Variants in PTK2 observed in about 807,000 individuals in gnomAD.
PTK2 encodes the protein protein tyrosine kinase 2, also known as focal adhesion kinase 1.
PTK2 carries 45 observed loss-of-function variants against 150.1 expected under a neutral mutation model. The observed-to-expected ratio is 0.30, with a 90% CI of 0.24 to 0.38. The LOEUF is 0.38. Among genes scored for constraint, PTK2 ranks in the 10% least tolerant of loss-of-function variants. The pLI is 1.00. For synonymous variants in PTK2, 432 were observed against 449.2 expected (o/e 0.96, Z 0.48); for missense variants, 919 against 1,307.3 (o/e 0.70, Z 4.58).
At chr8:140,869,025 A>AT (rs2100141013) in intron 4 of PTK2, among the ~76,000 whole-genome samples, 1 of 152,122 alleles carries the variant, frequency 6.6e-6, no homozygotes, top group South Asian at 2.1e-4. Flanking sequence ...TCTGTGTACT[A>AT]TTTTGCAACT....
At chr8:140,673,105 CTTT>C (rs540402579) in intron 29 of PTK2, among the ~76,000 whole-genome samples, 3 of 144,482 alleles carry the variant, frequency 2.1e-5, no homozygotes, top group Admixed American at 1.4e-4. Flanking sequence ...AAGATGCATC[CTTT>C]TTTTTTTTTT....
chr8:140,967,441 ATTTC>A (rs1208751183), intron 1 of PTK2, among the ~76,000 whole-genome samples: 22 of 147,906 alleles, frequency 1.5e-4, no homozygotes, highest in African/African-American at 5.0e-4. Flanking sequence ...CAAACCCAGT[ATTTC>A]TTTCTTTCTT....
chr8:140,883,721 C>T (rs1331678669), intron 3 of PTK2, among the ~76,000 whole-genome samples: 1 of 151,942 alleles, frequency 6.6e-6, no homozygotes, highest in East Asian at 1.9e-4. Context: ...ACTAGGAGTC[C>T]TTCTAAAAGT....
chr8:140,786,203 G>A (rs1595571623), intron 14 of PTK2, among the ~76,000 whole-genome samples: 4 of 152,148 alleles, frequency 2.6e-5, no homozygotes, highest in African/African-American at 9.7e-5. Context: ...ATGAAGTATC[G>A]TATGACAGAA....
intron 1 of PTK2, among the ~76,000 whole-genome samples, chr8:140,929,487 A>ATG (rs1224464857): frequency 6.6e-6 from 1 of 152,148 alleles, no homozygotes; most frequent in African/African-American, 2.4e-5. Context: ...AGGTGGCTTT[A>ATG]TGTGTGTGTG....
chr8:140,789,635 T>C (rs917986225), intron 13 of PTK2, 109 bp from the exon 14 acceptor site: 19 of 956,748 alleles, frequency 2.0e-5, no homozygotes, highest in Non-Finnish European at 2.5e-5. Context: ...AAATTTTAGA[T>C]ACGTGATTTC....
At chr8:140,978,347 T>C (rs2100190098) in intron 1 of PTK2, among the ~76,000 whole-genome samples, 1 of 152,326 alleles carries the variant, frequency 6.6e-6, no homozygotes, top group Non-Finnish European at 1.5e-5. Flanking sequence ...AGAAAATTTT[T>C]GCAATCTACT....
intron 23 of PTK2, among the ~76,000 whole-genome samples, chr8:140,711,419 TCTG>T (rs2100036813): frequency 6.6e-6 from 1 of 152,218 alleles, no homozygotes; most frequent in Admixed American, 6.5e-5. Context: ...CGCAGGACTT[TCTG>T]CTGTTTCTCT....
At chr8:140,671,730 G>A (rs1449660193) in intron 29 of PTK2, among the ~76,000 whole-genome samples, 4 of 146,520 alleles carry the variant, frequency 2.7e-5, no homozygotes, top group Non-Finnish European at 4.5e-5. Flanking sequence ...TGGCTAACAC[G>A]GTGAAACCCC....
chr8:140,907,556 TAAAACA>T lies in PTK2; in HGVS notation c.-32-16793_-32-16788del, dbSNP rs1401938922. The stretch of plus-strand genomic sequence containing the variant: ...ATAATTCATCCAACTGCCTTTTTTT[TAAAACA>T]AAAACAACAACAACAAAAAACAAAG... On this transcript the variant is annotated intron_variant, in intron 2 of 31. Coordinates refer to ENST00000522684, the Ensembl canonical transcript of PTK2. 9.2e-5 allele frequency among the ~76,000 whole-genome samples: 14 copies of T among 152,040 alleles called. No homozygotes were observed. The East Asian group carries it at 2.7e-3, about 29-fold the overall frequency.
chr8:140,764,468 T>C (rs190902060), intron 14 of PTK2, 178 bp from the exon 17 acceptor site: 19 of 597,288 alleles, frequency 3.2e-5, no homozygotes, highest in Non-Finnish European at 5.0e-5. Context: ...AAAAGTGACA[T>C]CATTGTCCAA....
At chr8:140,673,710 G>A (rs375463799) in intron 29 of PTK2, among the ~76,000 whole-genome samples, 8 of 152,218 alleles carry the variant, frequency 5.3e-5, no homozygotes, top group East Asian at 3.9e-4. Context: ...AGTCACAGGC[G>A]CCAACAGTTC....
intron 22 of PTK2, among the ~76,000 whole-genome samples, chr8:140,724,708 T>C (rs2100044790): frequency 6.6e-6 from 1 of 152,200 alleles, no homozygotes; most frequent in African/African-American, 2.4e-5. Context: ...GGAATACCAG[T>C]TTTGAAACAT....
chr8:140,779,032 G>GGCCGA (rs2100080105), intron 14 of PTK2, among the ~76,000 whole-genome samples: 1 of 151,884 alleles, frequency 6.6e-6, no homozygotes, highest in Non-Finnish European at 1.5e-5. Flanking sequence ...AGGCCAAGGA[G>GGCCGA]GGCAGATCAC....
At chr8:140,659,117 A>G in exon 32 of PTK2, 1 of 275,686 alleles carries the variant, frequency 3.6e-6, no homozygotes, top group South Asian at 9.2e-5. Context: ...TTTAGGAATT[A>G]AGATGTCACC....
exon 12 of PTK2, chr8:140,800,488 G>A (rs878949064): frequency 3.7e-6 from 6 of 1,613,598 alleles, no homozygotes; most frequent in African/African-American, 1.3e-5. Flanking sequence ...AAATGACTGC[G>A]AGGTTCCATT....
At chr8:140,794,770 T>G (rs934028810) in intron 12 of PTK2, among the ~76,000 whole-genome samples, 1 of 152,170 alleles carries the variant, frequency 6.6e-6, no homozygotes, top group Non-Finnish European at 1.5e-5. Context: ...TCTCTTAACC[T>G]CACTTCCTTG....
chr8:140,781,868 G>A (rs75949964), intron 14 of PTK2, among the ~76,000 whole-genome samples: 1,769 of 152,270 alleles, frequency 0.012, 32 homozygotes, highest in African/African-American at 0.039. Flanking sequence ...GTATGACTAC[G>A]AAGAACACCC....
At chr8:140,666,213 C>T (rs1003271841) in intron 30 of PTK2, among the ~76,000 whole-genome samples, 5 of 152,128 alleles carry the variant, frequency 3.3e-5, no homozygotes, top group African/African-American at 9.7e-5. Context: ...TGGTGCATGC[C>T]TGTAGTCCCA....
Sources: allele counts gnomAD v4.1 joint callset (sites outside exome capture counted in the v4.1 genomes callset), GRCh38; gene constraint gnomAD v4.1.1; transcripts MANE v1.5; gene names NCBI Gene and HGNC (gene_info 2026-07-23, HGNC 2026-07-21).